CLIP2: variants seen among roughly 807,000 people sequenced by gnomAD.
CLIP2 encodes the protein CAP-Gly domain containing linker protein 2, also known as CAP-Gly domain-containing linker protein 2.
CLIP2 carries 41 observed loss-of-function variants against 111.7 expected under a neutral mutation model. That is an observed-to-expected ratio of 0.37 (90% CI 0.29 to 0.48). The LOEUF is 0.48. Among genes scored for constraint, CLIP2 ranks in the 20% least tolerant of loss-of-function variants. CLIP2 has a pLI of 0.99. For missense variants in CLIP2, 1,160 were observed against 1,422.1 expected, an observed-to-expected ratio of 0.82 and a Z score of 2.96; for synonymous variants, 660 against 644.2, an observed-to-expected ratio of 1.02 and a Z score of -0.37.
At chr7:74,366,071 T>A (rs1197961531) in intron 8 of CLIP2, among the ~76,000 whole-genome samples, 2 of 152,010 alleles carry the variant, frequency 1.3e-5, no homozygotes, top group Non-Finnish European at 2.9e-5. Context: ...AGCCATCACA[T>A]CTGGCCCCCA....
intron 8 of CLIP2, among the ~76,000 whole-genome samples, chr7:74,372,664 G>GCCCCCAC (rs1790662644): frequency 6.6e-6 from 1 of 151,486 alleles, no homozygotes; most frequent in South Asian, 2.1e-4. Flanking sequence ...TGGCTTGCAG[G>GCCCCCAC]CCCCCACCCC....
intron 7 of CLIP2, among the ~76,000 whole-genome samples, chr7:74,362,548 T>TTTTTTTTTTTTTTTTTTGA (rs1790363058): frequency 8.3e-6 from 1 of 120,900 alleles, no homozygotes; most frequent in African/African-American, 3.1e-5. Context: ...TTTTTTTTTG[T>TTTTTTTTTTTTTTTTTTGA]TTCTTTAGAC....
intron 10 of CLIP2, among the ~76,000 whole-genome samples, chr7:74,379,383 TAA>T (rs537131298): frequency 1.4e-3 from 211 of 151,928 alleles, no homozygotes; most frequent in African/African-American, 4.9e-3. Flanking sequence ...GGGCTTAGTC[TAA>T]ACGCATATGT....
chr7:74,320,200 A>G (rs1168569703), intron 2 of CLIP2, among the ~76,000 whole-genome samples: 198 of 142,010 alleles, frequency 1.4e-3, no homozygotes, highest in African/African-American at 4.9e-3. Flanking sequence ...CATCTCAAAA[A>G]AAAAAAAAAA....
intron 1 of CLIP2, among the ~76,000 whole-genome samples, chr7:74,298,589 GTGGC>G (rs1788237853): frequency 2.7e-4 from 4 of 14,906 alleles, no homozygotes; most frequent in Admixed American, 1.8e-3. Context: ...GTGCAGTGGC[GTGGC>G]GTGATCTCGG....
chr7:74,336,885 G>GTTTTTTTTTTTTTTGTTTTTTTTTT (rs368322789), intron 2 of CLIP2, among the ~76,000 whole-genome samples: 1 of 134,390 alleles, frequency 7.4e-6, no homozygotes, highest in Non-Finnish European at 1.5e-5. Context: ...GTTTTTTTTT[G>GTTTTTTTTTTTTTTGTTTTTTTTTT]TTTTGTTTTT....
rs781787750 is a variant in CLIP2, at chr7:74,338,891, G to C, written c.565G>C (p.Glu189Gln). 3.1e-6 allele frequency: 5 copies of C among 1,605,562 alleles called. No individual in the cohort carries two copies. The highest frequency in any genetic ancestry group is 4.2e-6 in the Non-Finnish European group (5 of 1,179,898). The change falls in exon 3 of 17, where the codon GAG becomes CAG. Residue 189 changes from glutamate (E) to glutamine (Q), a missense_variant. Physicochemically the swap from Glu to Gln is conservative, Grantham distance 29 (BLOSUM62 2). Around this residue, in one of 5 missense-constraint regions of CLIP2, gnomAD observed 301 missense variants for 315.2 expected, o/e 0.96. Coordinates refer to ENST00000223398, the MANE Select transcript of CLIP2 (RefSeq NM_003388.5). This position sits in a 1 kb window ranked among gnomAD's most constrained non-coding sequence, Gnocchi z 4.3. ...GACCAGCCGCGTCATCCCCCTGCGG[G>C]AGAGCGTCCTCAACAGCTCCGTGAA... ...PLTSRVIPLR[E>Q]SVLNSSVKTG... is the part of the protein sequence containing the mutation.
At chr7:74,361,641 C>T (rs1315976382) in intron 7 of CLIP2, among the ~76,000 whole-genome samples, 1 of 152,174 alleles carries the variant, frequency 6.6e-6, no homozygotes, top group Non-Finnish European at 1.5e-5. Flanking sequence ...CCTCAGCCTT[C>T]CAGGTAACTG....
In CLIP2 at chr7:74,361,667, G is replaced by A. The variant is rs1377851935; in HGVS notation, c.1319+1389G>A. Among the ~76,000 whole-genome samples the A allele has an allele frequency of 2.0e-5, 3 of 152,240 alleles. 1 individual carries two copies. Among genetic ancestry groups the A allele is most frequent in the South Asian group, 2.1e-4 (1 of 4,818 alleles). On this transcript the variant is annotated intron_variant, in intron 7 of 16. Coordinates refer to ENST00000223398, the MANE Select transcript of CLIP2 (RefSeq NM_003388.5). ...CAGGTAACTGGGACTACAGGCACACGCCATCATGCCCAGCTAATTTTTTGT... is the reference window on the plus strand; with the variant it reads ...CAGGTAACTGGGACTACAGGCACACACCATCATGCCCAGCTAATTTTTTGT...
intron 2 of CLIP2, among the ~76,000 whole-genome samples, chr7:74,320,209 A>G (rs1181775650): frequency 3.4e-5 from 5 of 146,816 alleles, no homozygotes; most frequent in South Asian, 2.2e-4. Flanking sequence ...AAAAAAAAAA[A>G]AAAAAAAGAA....
At chr7:74,387,651 A>C (rs1791152256) in intron 12 of CLIP2, among the ~76,000 whole-genome samples, 2 of 152,174 alleles carry the variant, frequency 1.3e-5, no homozygotes, top group Admixed American at 1.3e-4. Flanking sequence ...TCCATCCCCC[A>C]GTACAAGGCA....
At position 74,400,451 on chromosome 7, in the gene CLIP2, C is replaced by T. The variant is rs1236422527; in HGVS notation, c.2962C>T (p.His988Tyr). The T allele has an allele frequency of 6.2e-7, 1 of 1,613,974 alleles. No homozygotes were observed. Among genetic ancestry groups the T allele is most frequent in the Non-Finnish European group, 8.5e-7 (1 of 1,179,950 alleles). The stretch of plus-strand genomic sequence containing the variant: ...GGCGCCCGAGCTTCTGCGGCTGCAG[C>T]ACCAGCTGATGAGCACGGAGGACGC... ...SSAPELLRLQ[H>Y]QLMSTEDALR... The change falls in exon 15 of 17, where the codon CAC (histidine) becomes TAC (tyrosine). Residue 988 changes from histidine to tyrosine, a missense_variant. Physicochemically the swap from His to Tyr is moderately conservative, Grantham distance 83. Transcript: ENST00000223398.
At chr7:74,290,799 C>T (rs1256772879) in intron 1 of CLIP2, among the ~76,000 whole-genome samples, 5 of 152,050 alleles carry the variant, frequency 3.3e-5, no homozygotes, top group Admixed American at 2.0e-4. Context: ...ATAAGCCCTT[C>T]ATTCAGCTGC....
intron 13 of CLIP2, among the ~76,000 whole-genome samples, chr7:74,392,365 GA>G (rs1347796209): frequency 7.1e-6 from 1 of 141,046 alleles, no homozygotes; most frequent in Non-Finnish European, 1.6e-5. Context: ...AAAAAAAAAA[GA>G]AAAGGAAAGA....
Position 74,326,391 on chromosome 7 carries a change from C to T in CLIP2, c.121+8724C>T, listed in dbSNP as rs184623980. 2.4e-3 allele frequency among the ~76,000 whole-genome samples: 368 copies of T among 152,296 alleles called. 1 individual carries two copies. Among genetic ancestry groups the T allele is most frequent in the African/African-American group, 8.5e-3 (353 of 41,564 alleles). On this transcript the variant is annotated intron_variant, in intron 2 of 16. Transcript: ENST00000223398. ...GACCAAGTCCAGTATCAGCCCCACA[C>T]ATTTGGCTCATGCCCCAGACAGGTG...
At chr7:74,325,453 T>C (rs1283366714) in intron 2 of CLIP2, among the ~76,000 whole-genome samples, 2 of 151,910 alleles carry the variant, frequency 1.3e-5, no homozygotes, top group Admixed American at 6.6e-5. Flanking sequence ...AGTGGTGACA[T>C]TGGAGCAAGG....
chr7:74,344,943 T>C (rs1166894897), intron 3 of CLIP2, among the ~76,000 whole-genome samples: 2 of 152,128 alleles, frequency 1.3e-5, no homozygotes, highest in African/African-American at 4.8e-5. Flanking sequence ...GGGTGGGATC[T>C]GGTCTGGAAT....
At chr7:74,295,390 A>G (rs7796092) in intron 1 of CLIP2, among the ~76,000 whole-genome samples, 41,317 of 151,988 alleles carry the variant, frequency 0.27, 7,887 homozygotes, top group African/African-American at 0.55. Flanking sequence ...GCTCAGTGAA[A>G]AACTCACCAT....
chr7:74,303,250 C>T (rs1390911632), intron 1 of CLIP2, among the ~76,000 whole-genome samples: 1 of 152,220 alleles, frequency 6.6e-6, no homozygotes, highest in East Asian at 1.9e-4. Flanking sequence ...TTCTCAGATT[C>T]CCTGAGCCTT....
Sources: gnomAD v4.1 joint callset for allele counts (sites outside exome capture counted in the v4.1 genomes callset) on GRCh38, gnomAD v4.1.1 for gene constraint, gnomAD v4.1.1 regional missense constraint, Gnocchi (gnomAD v3.1) non-coding constraint, MANE v1.5 for transcripts, NCBI Gene and HGNC (gene_info 2026-07-23, HGNC 2026-07-21) for gene names.